The following TXNDC8 variants were observed in gnomAD, a reference collection of about 807,000 sequenced individuals.
The protein encoded by TXNDC8 is thioredoxin domain-containing protein 8.
A neutral mutation model predicts 12.9 loss-of-function variants in TXNDC8; 15 were observed. That is an observed-to-expected ratio of 1.16 (90% CI 0.78 to 1.79). TXNDC8 has a LOEUF of 1.79. TXNDC8 is among the 40% of genes most tolerant of loss of function. The pLI, the probability that TXNDC8 is intolerant of heterozygous loss-of-function variation, is 0.00. For missense variants in TXNDC8, 128 were observed against 113.2 expected (o/e 1.13, Z -0.59); for synonymous variants, 40 against 35.4 (o/e 1.13, Z -0.46).
chr9:110,306,016 A>G (rs751398365), intron 3 of TXNDC8, among the ~76,000 whole-genome samples: 1 of 151,612 alleles, frequency 6.6e-6, no homozygotes, highest in Non-Finnish European at 1.5e-5. Flanking sequence ...TCTGCCTCCC[A>G]CCACCACTCC....
At chr9:110,327,804 A>T (rs1299951482) in intron 2 of TXNDC8, among the ~76,000 whole-genome samples, 2 of 152,142 alleles carry the variant, frequency 1.3e-5, no homozygotes, top group Non-Finnish European at 2.9e-5. Context: ...GATGGAGGGA[A>T]TTGGGTGTAA....
At chr9:110,325,101 C>A (rs1045294553) in intron 3 of TXNDC8, among the ~76,000 whole-genome samples, 1 of 152,034 alleles carries the variant, frequency 6.6e-6, no homozygotes, top group African/African-American at 2.4e-5. Context: ...GCCTGGGTGA[C>A]CTTGCAAGAC....
intron 3 of TXNDC8, among the ~76,000 whole-genome samples, chr9:110,316,219 A>G (rs1420349223): frequency 6.6e-6 from 1 of 152,148 alleles, no homozygotes; most frequent in Non-Finnish European, 1.5e-5. Context: ...CCTGGCCTGT[A>G]CAATATAATT....
Position 110,326,975 on chromosome 9 carries a change from C to CACACACAT in TXNDC8, c.130-736_130-735insATGTGTGT, listed in dbSNP as rs3221231. ...ACACACACACACACACACACACACA[C>CACACACAT]GTGAAGACATACTGTATTATAATTT... On this transcript the variant is annotated intron_variant, in intron 2 of 4. Transcript: ENST00000423740. 7.1e-4 allele frequency among the ~76,000 whole-genome samples: 107 copies of CACACACAT among 151,450 alleles called. 1 individual carries two copies. The highest frequency in any genetic ancestry group is 3.8e-3 in the Admixed American group (57 of 15,180).
chr9:110,301,889 C>T (rs186709749), downstream of TXNDC8, among the ~76,000 whole-genome samples: 67 of 152,278 alleles, frequency 4.4e-4, no homozygotes, highest in Admixed American at 4.3e-3. Flanking sequence ...AGAGTAAGTG[C>T]TCAATGCATA....
At chr9:110,315,180 C>T (rs1473105170) in intron 3 of TXNDC8, among the ~76,000 whole-genome samples, 2 of 152,280 alleles carry the variant, frequency 1.3e-5, no homozygotes, top group East Asian at 3.9e-4. Context: ...TCACTGCAAC[C>T]TCCGCCTGCT....
intron 2 of TXNDC8, among the ~76,000 whole-genome samples, chr9:110,327,308 C>A (rs1839361676): frequency 7.1e-6 from 1 of 141,300 alleles, no homozygotes. Context: ...AATTTGTACA[C>A]TAATGTTTAT....
intron 3 of TXNDC8, among the ~76,000 whole-genome samples, chr9:110,310,117 G>A (rs992870494): frequency 1.3e-5 from 2 of 152,002 alleles, no homozygotes; most frequent in African/African-American, 2.4e-5. Flanking sequence ...TATGGTCTTT[G>A]TGCACATTCA....
At chr9:110,321,257 G>A (rs1839082510) in intron 3 of TXNDC8, among the ~76,000 whole-genome samples, 1 of 152,188 alleles carries the variant, frequency 6.6e-6, no homozygotes, top group African/African-American at 2.4e-5. Flanking sequence ...TACTGTGTTT[G>A]AGCAGAGGAG....
intron 3 of TXNDC8, among the ~76,000 whole-genome samples, chr9:110,308,459 C>A (rs1406187344): frequency 7.5e-6 from 1 of 133,334 alleles, no homozygotes; most frequent in East Asian, 2.0e-4. Context: ...GCTCAGAGAT[C>A]ACATTGTTTT....
intron 3 of TXNDC8, among the ~76,000 whole-genome samples, chr9:110,325,759 T>C (rs1426441699): frequency 2.0e-5 from 3 of 152,194 alleles, no homozygotes; most frequent in African/African-American, 7.2e-5. Flanking sequence ...GACCTTGTGA[T>C]CTGCCCGCCT....
chr9:110,316,386 T>G (rs898887774), intron 3 of TXNDC8, among the ~76,000 whole-genome samples: 1 of 152,164 alleles, frequency 6.6e-6, no homozygotes, highest in African/African-American at 2.4e-5. Context: ...TACTGTTTGA[T>G]CCTATCTGGG....
At chr9:110,321,737 AAAGGAAAT>A (rs1286159539) in intron 3 of TXNDC8, among the ~76,000 whole-genome samples, 1 of 151,940 alleles carries the variant, frequency 6.6e-6, no homozygotes, top group African/African-American at 2.4e-5. Flanking sequence ...AAAAAAAAAA[AAAGGAAAT>A]TTATAGGAAC....
intron 2 of TXNDC8, among the ~76,000 whole-genome samples, chr9:110,326,940 GCACACACACACA>G (rs377527245): frequency 2.8e-5 from 4 of 143,030 alleles, no homozygotes; most frequent in East Asian, 2.1e-4. Flanking sequence ...TGCTACTCAT[GCACACACACACA>G]CACACACACA....
chr9:110,305,051 G>A (rs1021596203), intron 3 of TXNDC8, among the ~76,000 whole-genome samples: 23 of 150,046 alleles, frequency 1.5e-4, no homozygotes, highest in African/African-American at 5.6e-4. Context: ...GGGAGGCGGA[G>A]GCACGAGAAT....
At chr9:110,320,835 C>T (rs1220831573) in intron 3 of TXNDC8, among the ~76,000 whole-genome samples, 1 of 152,210 alleles carries the variant, frequency 6.6e-6, no homozygotes, top group African/African-American at 2.4e-5. Flanking sequence ...CACAATTAAT[C>T]TTCCTGAAAC....
intron 3 of TXNDC8, among the ~76,000 whole-genome samples, chr9:110,324,395 A>G (rs1270366102): frequency 1.3e-5 from 2 of 152,244 alleles, no homozygotes; most frequent in Non-Finnish European, 2.9e-5. Context: ...TGCACCAGCT[A>G]TATTACAGAA....
intron 3 of TXNDC8, chr9:110,323,190 A>G (rs1468844936): frequency 6.1e-6 from 6 of 985,334 alleles, no homozygotes; most frequent in African/African-American, 5.2e-5. Flanking sequence ...TCTAAGTAAA[A>G]AAGTATTTAT....
chr9:110,313,334 C>T (rs941094287), intron 3 of TXNDC8, among the ~76,000 whole-genome samples: 1 of 152,172 alleles, frequency 6.6e-6, no homozygotes, highest in African/African-American at 2.4e-5. Flanking sequence ...ACAATTTAAA[C>T]TTCCGAAGAA....
Sources: allele counts gnomAD v4.1 joint callset (sites outside exome capture counted in the v4.1 genomes callset), GRCh38; gene constraint gnomAD v4.1.1; transcripts MANE v1.5; gene names NCBI Gene and HGNC (gene_info 2026-07-23, HGNC 2026-07-21).